Variants in GMDS observed in about 807,000 individuals in gnomAD.
GMDS encodes GDP-mannose 4,6 dehydratase.
In GMDS, 20 loss-of-function variants were observed where a neutral mutation model predicts 49.9. The ratio of observed to expected loss-of-function variants is 0.40; its 90% CI spans 0.28 to 0.58. The LOEUF (loss-of-function observed/expected upper bound fraction) is 0.58, where lower values mean the gene tolerates loss of function less well. Among genes scored for constraint, GMDS ranks in the 20% least tolerant of loss-of-function variants. GMDS has a pLI of 0.42. For missense variants in GMDS, 362 were observed against 481.4 expected (o/e 0.75, Z 2.32); for synonymous variants, 177 against 178.6 (o/e 0.99, Z 0.07).
chr6:1,774,803 GAA>G (rs1561795670), intron 7 of GMDS, among the ~76,000 whole-genome samples: 1 of 152,236 alleles, frequency 6.6e-6, no homozygotes, highest in Admixed American at 6.5e-5. Context: ...TCATCTGATT[GAA>G]TCAGTGTGGC....
intron 1 of GMDS, among the ~76,000 whole-genome samples, chr6:2,222,623 A>G (rs1780644273): frequency 6.6e-6 from 1 of 152,210 alleles, no homozygotes. Context: ...AAAAAAGGAA[A>G]TGCTGTACTA....
chr6:1,909,309 T>A (rs1252660174), intron 7 of GMDS, among the ~76,000 whole-genome samples: 1 of 152,216 alleles, frequency 6.6e-6, no homozygotes. Context: ...AAATTCCCAC[T>A]TGACAATTTA....
At chr6:2,146,798 T>C (rs1433883011) in intron 1 of GMDS, among the ~76,000 whole-genome samples, 1 of 152,152 alleles carries the variant, frequency 6.6e-6, no homozygotes, top group Non-Finnish European at 1.5e-5. Context: ...TCAGAGTGCC[T>C]TCTACTACAA....
intron 4 of GMDS, among the ~76,000 whole-genome samples, chr6:2,059,954 A>G (rs941895416): frequency 6.6e-6 from 1 of 152,078 alleles, no homozygotes; most frequent in Non-Finnish European, 1.5e-5. Context: ...CTTTACATTT[A>G]TGAAATAAGC....
intron 1 of GMDS, among the ~76,000 whole-genome samples, chr6:2,230,932 C>A: frequency 2.6e-5 from 1 of 38,818 alleles, no homozygotes; most frequent in Non-Finnish European, 5.9e-5. Context: ...TATTCTCTTC[C>A]CCCCTCCCAC....
chr6:1,729,286 G>A (rs769771995), intron 8 of GMDS, among the ~76,000 whole-genome samples: 27 of 152,194 alleles, frequency 1.8e-4, no homozygotes, highest in Non-Finnish European at 3.7e-4. Context: ...AGTCAGACTT[G>A]GGTCTGGTGC....
chr6:1,774,533 A>G (rs1471812173), intron 7 of GMDS, among the ~76,000 whole-genome samples: 2 of 152,240 alleles, frequency 1.3e-5, no homozygotes, highest in African/African-American at 4.8e-5. Context: ...ATTAGGGCCC[A>G]TCAGCATCCC....
chr6:1,736,954 G>A (rs1377724589), intron 8 of GMDS, among the ~76,000 whole-genome samples: 1 of 152,160 alleles, frequency 6.6e-6, no homozygotes, highest in Non-Finnish European at 1.5e-5. Flanking sequence ...CTGCTGCCAG[G>A]CCTTCCTTCT....
At chr6:1,844,878 C>T (rs923772132) in intron 7 of GMDS, among the ~76,000 whole-genome samples, 19 of 152,182 alleles carry the variant, frequency 1.2e-4, no homozygotes, top group Admixed American at 8.5e-4. Context: ...CAGAGAGTTA[C>T]AACTGTAACC....
intron 7 of GMDS, among the ~76,000 whole-genome samples, chr6:1,863,812 C>T (rs1334938072): frequency 2.6e-5 from 4 of 152,132 alleles, no homozygotes; most frequent in African/African-American, 4.8e-5. Context: ...CATACATGTA[C>T]ATTTCTTCAC....
At chr6:2,089,558 AAGG>A (rs1304709099) in intron 4 of GMDS, among the ~76,000 whole-genome samples, 1 of 152,264 alleles carries the variant, frequency 6.6e-6, no homozygotes, top group African/African-American at 2.4e-5. Flanking sequence ...TAAAAGAGAA[AAGG>A]AGATGTAAGA....
intron 9 of GMDS, among the ~76,000 whole-genome samples, chr6:1,702,879 C>T (rs1171246429): frequency 4.6e-5 from 7 of 152,134 alleles, no homozygotes; most frequent in African/African-American, 1.7e-4. Context: ...ACAGCTCCAC[C>T]CCAACCCTCG....
chr6:1,728,979 C>G (rs1766693092), intron 8 of GMDS, among the ~76,000 whole-genome samples: 1 of 151,208 alleles, frequency 6.6e-6, no homozygotes, highest in Non-Finnish European at 1.5e-5. Context: ...AAACCAAAAA[C>G]AAAACCAAAA....
chr6:1,637,374 T>C (rs1763190752), intron 9 of GMDS, among the ~76,000 whole-genome samples: 1 of 152,152 alleles, frequency 6.6e-6, no homozygotes, highest in Non-Finnish European at 1.5e-5. Context: ...AGGGCAGAGG[T>C]CTGACTCAGT....
intron 7 of GMDS, among the ~76,000 whole-genome samples, chr6:1,774,420 G>A (rs1185653551): frequency 1.3e-5 from 2 of 152,198 alleles, no homozygotes; most frequent in Non-Finnish European, 2.9e-5. Flanking sequence ...AGAGGGGCAG[G>A]CTCTCAGATG....
At chr6:1,831,554 T>TA (rs1223052685) in intron 7 of GMDS, among the ~76,000 whole-genome samples, 3 of 152,242 alleles carry the variant, frequency 2.0e-5, no homozygotes, top group Admixed American at 2.0e-4. Flanking sequence ...CTTAGTAAAA[T>TA]AAAAATAAAC....
chr6:2,202,533 T>TC (rs1002144358), intron 1 of GMDS, among the ~76,000 whole-genome samples: 1 of 151,782 alleles, frequency 6.6e-6, no homozygotes, highest in Non-Finnish European at 1.5e-5. Flanking sequence ...CTTAATTCTC[T>TC]CCGTGCCTCA....
At chr6:2,004,671 A>G (rs1767046351) in intron 4 of GMDS, among the ~76,000 whole-genome samples, 1 of 152,156 alleles carries the variant, frequency 6.6e-6, no homozygotes, top group Non-Finnish European at 1.5e-5. Flanking sequence ...TGATACCACA[A>G]CTTGAGACTT....
chr6:1,925,449 T>C (rs1015211587), intron 7 of GMDS, among the ~76,000 whole-genome samples: 2 of 152,242 alleles, frequency 1.3e-5, no homozygotes, highest in Non-Finnish European at 2.9e-5. Context: ...CATGTATGTA[T>C]GTATAGCACA....
Sources: allele counts gnomAD v4.1 joint callset (sites outside exome capture counted in the v4.1 genomes callset), GRCh38; gene constraint gnomAD v4.1.1; transcripts MANE v1.5; gene names NCBI Gene and HGNC (gene_info 2026-07-23, HGNC 2026-07-21).